Variants in CTNNA2 observed in about 807,000 individuals in gnomAD.
The protein encoded by CTNNA2 is catenin alpha-2.
Under a neutral mutation model 101.0 loss-of-function variants are expected in CTNNA2, and 42 were observed. The observed-to-expected ratio is 0.42, with a 90% CI of 0.32 to 0.54. CTNNA2 has a LOEUF of 0.54. Ranked by LOEUF, CTNNA2 falls within the 20% of genes least tolerant of loss-of-function variation. The pLI is 0.14. For missense variants in CTNNA2, 871 were observed against 1,223.1 expected (o/e 0.71, Z 4.29); for synonymous variants, 450 against 456.4 (o/e 0.99, Z 0.18).
intron 5 of CTNNA2, 32 bp from the exon 6 acceptor site, chr2:79,874,044 T>A (rs780776244): frequency 6.2e-7 from 1 of 1,608,414 alleles, no homozygotes; most frequent in South Asian, 1.1e-5. Flanking sequence ...AAATTTCATG[T>A]GTGTGACAGC....
rs1175621473 is a variant in CTNNA2 at position 80,093,521 on chromosome 2, G to GT, written c.1056+183725dup. On this transcript the variant is annotated intron_variant, in intron 7 of 18. Transcript: ENST00000402739. ...TTATAATCCTTTGGGTATATATCCA[G>GT]TAATGGGATGGCTGGGTCAAATGGT... Among the ~76,000 whole-genome samples, 47 of 152,296 alleles carry GT rather than the reference G, an allele frequency of 3.1e-4. 1 individual carries two copies. Among genetic ancestry groups the GT allele is most frequent in the African/African-American group, 1.1e-3 (44 of 41,574 alleles).
chr2:79,436,249 A>T (rs1467766030), intron 4 of CTNNA2, among the ~76,000 whole-genome samples: 1 of 147,374 alleles, frequency 6.8e-6, no homozygotes, highest in Non-Finnish European at 1.5e-5. Flanking sequence ...ATCAAACAGG[A>T]GGAGGACAAA....
At chr2:80,114,350 G>A (rs1171544361) in intron 7 of CTNNA2, among the ~76,000 whole-genome samples, 4 of 152,130 alleles carry the variant, frequency 2.6e-5, no homozygotes, top group African/African-American at 4.8e-5. Flanking sequence ...ATAGGATTTT[G>A]TAAAGAAAAT....
At chr2:79,723,537 G>C (rs986626724) in intron 2 of CTNNA2, among the ~76,000 whole-genome samples, 5 of 152,110 alleles carry the variant, frequency 3.3e-5, no homozygotes, top group African/African-American at 7.2e-5. Context: ...CAGAAGTCTA[G>C]GCCTGTTTAT....
At chr2:80,074,019 C>A (rs890954378) in intron 7 of CTNNA2, among the ~76,000 whole-genome samples, 2 of 152,042 alleles carry the variant, frequency 1.3e-5, no homozygotes, top group Non-Finnish European at 2.9e-5. Context: ...TGCTTCCAAA[C>A]CTGTTTTGGA....
intron 2 of CTNNA2, among the ~76,000 whole-genome samples, chr2:79,242,336 A>AT (rs1000964155): frequency 1.3e-5 from 2 of 152,080 alleles, no homozygotes; most frequent in African/African-American, 4.8e-5. Flanking sequence ...TCATTTTTCA[A>AT]TTCTCAAAAT....
At chr2:80,355,592 T>C (rs1007997747) in intron 7 of CTNNA2, among the ~76,000 whole-genome samples, 8 of 152,202 alleles carry the variant, frequency 5.3e-5, no homozygotes, top group Non-Finnish European at 8.8e-5. Flanking sequence ...GGCTACACGC[T>C]GCCAGACACA....
chr2:80,613,207 A>C (rs1698603543), intron 17 of CTNNA2, among the ~76,000 whole-genome samples: 1 of 151,510 alleles, frequency 6.6e-6, no homozygotes, highest in African/African-American at 2.4e-5. Flanking sequence ...AACTATAACC[A>C]TTTAAATTCT....
At chr2:79,703,453 T>C (rs1406153040) in intron 2 of CTNNA2, among the ~76,000 whole-genome samples, 1 of 152,188 alleles carries the variant, frequency 6.6e-6, no homozygotes, top group Non-Finnish European at 1.5e-5. Flanking sequence ...TGAAATCCTT[T>C]CTCCTAGTAC....
intron 7 of CTNNA2, among the ~76,000 whole-genome samples, chr2:80,065,577 C>T (rs570468977): frequency 1.3e-4 from 20 of 152,188 alleles, no homozygotes; most frequent in African/African-American, 4.3e-4. Context: ...TGGTCTTGAT[C>T]TCCTGACCTT....
At chr2:79,874,431 A>G (rs1682846274) in intron 6 of CTNNA2, 89 bp downstream of exon 6, 1 of 1,422,904 alleles carries the variant, frequency 7.0e-7, no homozygotes, top group Admixed American at 2.2e-5. Context: ...CACTACAATA[A>G]TTTACATTGA....
intron 3 of CTNNA2, among the ~76,000 whole-genome samples, chr2:79,809,113 A>G (rs181388552): frequency 7.4e-4 from 113 of 152,334 alleles, no homozygotes; most frequent in Admixed American, 2.6e-3. Context: ...TGCAAAGGAC[A>G]TGAACTCATC....
intron 11 of CTNNA2, among the ~76,000 whole-genome samples, chr2:80,549,529 T>C (rs1420350229): frequency 6.6e-6 from 1 of 152,160 alleles, no homozygotes; most frequent in Non-Finnish European, 1.5e-5. Flanking sequence ...TACAATAAAA[T>C]ATGTTGCAAT....
At chr2:80,177,064 G>A (rs1352256462) in intron 7 of CTNNA2, among the ~76,000 whole-genome samples, 1 of 152,106 alleles carries the variant, frequency 6.6e-6, no homozygotes, top group Non-Finnish European at 1.5e-5. Context: ...CACCTAGTTG[G>A]CATTGTAATT....
chr2:79,662,840 TAACATGGATATC>T (rs1204620210), intron 2 of CTNNA2, among the ~76,000 whole-genome samples: 2 of 152,218 alleles, frequency 1.3e-5, no homozygotes, highest in Non-Finnish European at 2.9e-5. Context: ...GTCTTTCTTG[TAACATGGATATC>T]TTGACTTTGG....
At chr2:80,458,831 C>A (rs1329982406) in intron 9 of CTNNA2, among the ~76,000 whole-genome samples, 2 of 152,138 alleles carry the variant, frequency 1.3e-5, no homozygotes, top group Non-Finnish European at 2.9e-5. Flanking sequence ...AGCCCCCTCT[C>A]TTCTACCTCC....
At chr2:80,606,087 A>T (rs1408308916) in intron 16 of CTNNA2, among the ~76,000 whole-genome samples, 1 of 151,832 alleles carries the variant, frequency 6.6e-6, no homozygotes, top group Non-Finnish European at 1.5e-5. Flanking sequence ...TTTTCTGCAG[A>T]TGTTGAGAAG....
chr2:80,004,703 T>TTATTTATTTATC (rs1693208221), intron 7 of CTNNA2, among the ~76,000 whole-genome samples: 1 of 103,872 alleles, frequency 9.6e-6, no homozygotes, highest in African/African-American at 3.1e-5. Context: ...ATTTATTTAT[T>TTATTTATTTATC]TATTTATCCA....
At chr2:80,213,969 T>C (rs574884897) in intron 7 of CTNNA2, among the ~76,000 whole-genome samples, 3 of 152,360 alleles carry the variant, frequency 2.0e-5, no homozygotes, top group Non-Finnish European at 2.9e-5. Flanking sequence ...CATTAAGTAA[T>C]GGCCTTCTTT....
Sources: allele counts gnomAD v4.1 joint callset (sites outside exome capture counted in the v4.1 genomes callset), GRCh38; gene constraint gnomAD v4.1.1; transcripts MANE v1.5; gene names NCBI Gene and HGNC (gene_info 2026-07-23, HGNC 2026-07-21).